Variants in CDH11 observed in about 807,000 individuals in gnomAD.
CDH11 encodes cadherin 11, also known as cadherin-11.
Under a neutral mutation model 67.8 loss-of-function variants are expected in CDH11, and 11 were observed. The ratio of observed to expected loss-of-function variants is 0.16; its 90% CI spans 0.10 to 0.27. The LOEUF (loss-of-function observed/expected upper bound fraction) is 0.27. Ranked by LOEUF, CDH11 falls within the 10% of genes least tolerant of loss-of-function variation. The pLI is 1.00. For synonymous variants in CDH11, 419 were observed against 400.0 expected, an observed-to-expected ratio of 1.05 and a Z score of -0.57; for missense variants, 847 against 1,031.2, an observed-to-expected ratio of 0.82 and a Z score of 2.45.
At chr16:65,056,264 G>A (rs2074140791) in intron 1 of CDH11, among the ~76,000 whole-genome samples, 1 of 152,164 alleles carries the variant, frequency 6.6e-6, no homozygotes, top group Non-Finnish European at 1.5e-5. Flanking sequence ...CTGTATGGCT[G>A]GAGAGAGAGG....
chr16:64,992,502 T>C (rs1275172120), intron 5 of CDH11, among the ~76,000 whole-genome samples: 2 of 152,274 alleles, frequency 1.3e-5, no homozygotes, highest in Non-Finnish European at 2.9e-5. Flanking sequence ...AACTGAATTC[T>C]GCATGATTGC....
At chr16:65,034,900 C>T (rs1201363520) in intron 2 of CDH11, among the ~76,000 whole-genome samples, 1 of 152,154 alleles carries the variant, frequency 6.6e-6, no homozygotes, top group Non-Finnish European at 1.5e-5. Flanking sequence ...CACTGGCTTT[C>T]ACAAATAGCC....
intron 2 of CDH11, among the ~76,000 whole-genome samples, chr16:65,038,982 T>C (rs1160299647): frequency 1.3e-5 from 2 of 152,172 alleles, no homozygotes; most frequent in Non-Finnish European, 2.9e-5. Context: ...CTCATATTCT[T>C]ACAACATCTT....
chr16:64,998,426 TTTTGTTC>T, intron 4 of CDH11, 129 bp downstream of exon 4: 2 of 802,992 alleles, frequency 2.5e-6, no homozygotes, highest in Non-Finnish European at 4.0e-6. Context: ...ACAAAAGAAT[TTTTGTTC>T]CTTTTGTTAT....
chr16:64,945,276 A>G lies in CDH11; in HGVS notation c.*2327T>C, dbSNP rs1408531609. 1 of 438,878 alleles carries G rather than the reference A, an allele frequency of 2.3e-6. No individual in the cohort carries two copies. The highest frequency in any genetic ancestry group is 3.2e-6 in the Non-Finnish European group (1 of 316,708). The allele number at this position is 438,878 out of a possible 1,614,324, so 27.2% of individuals were successfully genotyped here. A position where few individuals can be genotyped will look rare whatever the true frequency, so the allele number is the denominator to read the frequency against. On this transcript the variant is annotated 3_prime_UTR_variant, in exon 13 of 13. Coordinates refer to ENST00000268603, the MANE Select transcript of CDH11 (RefSeq NM_001797.4). ...TTTCTAAGAGTGTTCTACAAACAAT[A>G]GAGGCTTAACGAAAAAATAAAAGGT...
At chr16:64,962,193 TTAA>T (rs2071690892) in intron 11 of CDH11, among the ~76,000 whole-genome samples, 1 of 151,986 alleles carries the variant, frequency 6.6e-6, no homozygotes, top group African/African-American at 2.4e-5. Context: ...AGTAAATAAA[TTAA>T]AACAGTTATA....
At chr16:64,956,810 A>C (rs1007860778) in intron 11 of CDH11, among the ~76,000 whole-genome samples, 2 of 152,072 alleles carry the variant, frequency 1.3e-5, no homozygotes, top group African/African-American at 2.4e-5. Flanking sequence ...AATAATGATG[A>C]TCTCCATGGT....
rs1159375873 is a variant in CDH11 at position 65,121,545 on chromosome 16, C to T, written c.-298+335G>A. ...TCGGCGTGTCCGGAGGTCTGCTCTG[C>T]AGTCTCTTGCCCCAGCCAGGTACAA... On this transcript the variant is annotated intron_variant, in intron 1 of 12. Transcript: ENST00000268603. This position sits in a 1 kb window ranked among gnomAD's most constrained non-coding sequence, Gnocchi z 4.1. Among the ~76,000 whole-genome samples the T allele has an allele frequency of 6.6e-6, 1 of 152,180 alleles. No individual in the cohort carries two copies. Among genetic ancestry groups the T allele is most frequent in the Non-Finnish European group, 1.5e-5 (1 of 68,038 alleles).
chr16:65,113,686 C>T (rs1275399468), intron 1 of CDH11, among the ~76,000 whole-genome samples: 7 of 152,098 alleles, frequency 4.6e-5, no homozygotes, highest in African/African-American at 1.7e-4. Context: ...TGTATCTCAT[C>T]AGATTAGCTG....
intron 1 of CDH11, among the ~76,000 whole-genome samples, chr16:65,090,610 G>A (rs1048968542): frequency 6.6e-6 from 1 of 152,008 alleles, no homozygotes; most frequent in Non-Finnish European, 1.5e-5. Context: ...CTTCCCTCCC[G>A]CCAGCCATTC....
Position 64,950,888 on chromosome 16 carries a change from T to TTC in CDH11, c.1772_1773insGA (p.Val592LysfsTer7). 1 of 1,614,216 alleles carries TTC rather than the reference T, an allele frequency of 6.2e-7. No individual in the cohort carries two copies. Among genetic ancestry groups the TTC allele is most frequent in the Non-Finnish European group, 8.5e-7 (1 of 1,180,022 alleles). On this transcript the variant is annotated frameshift_variant, in exon 12 of 13. Coordinates refer to ENST00000268603, the MANE Select transcript of CDH11 (RefSeq NM_001797.4). LOFTEE classifies it high-confidence loss of function. ...CCCCGTTCACGTCGCACCCGCAGAC[T>TTC]TTGATGGTGAGGGTGTTGGTGCTAC... is the stretch of plus-strand genomic sequence containing the variant.
intron 2 of CDH11, among the ~76,000 whole-genome samples, chr16:65,014,137 G>A (rs1255513341): frequency 6.6e-6 from 1 of 152,096 alleles, no homozygotes; most frequent in Non-Finnish European, 1.5e-5. Flanking sequence ...GCCTCACGAA[G>A]GGGCTCTAGG....
intron 8 of CDH11, 119 bp from the exon 9 acceptor site, chr16:64,973,159 T>G (rs2072061302): frequency 4.0e-6 from 4 of 996,882 alleles, no homozygotes; most frequent in Non-Finnish European, 5.9e-6. Flanking sequence ...AGCTAGATTT[T>G]CTTTCTAATC....
Position 64,945,325 on chromosome 16 carries a change from A to T in CDH11, c.*2278T>A. Reference sequence around the variant, plus strand: ...GTAAAAAAAAAAAAAAAAAAGAAAAAGAAAAACAAGTATTCTTAACTACTG... The same window carrying T: ...GTAAAAAAAAAAAAAAAAAAGAAAATGAAAAACAAGTATTCTTAACTACTG... On this transcript the variant is annotated 3_prime_UTR_variant, in exon 13 of 13. Transcript: ENST00000268603. The T allele has an allele frequency of 5.0e-6, 4 of 803,098 alleles. No individual in the cohort carries two copies. Among genetic ancestry groups the T allele is most frequent in the Non-Finnish European group, 6.2e-6 (4 of 648,546 alleles). The allele number at this position is 803,098 out of a possible 1,614,324, so 49.7% of individuals were successfully genotyped here. A position where few individuals can be genotyped will look rare whatever the true frequency, so the allele number is the denominator to read the frequency against.
intron 12 of CDH11, among the ~76,000 whole-genome samples, chr16:64,949,204 C>T (rs1041337636): frequency 2.0e-5 from 3 of 152,054 alleles, no homozygotes; most frequent in African/African-American, 4.8e-5. Flanking sequence ...AGCCTGGCCC[C>T]GTTCTTATCC....
intron 2 of CDH11, among the ~76,000 whole-genome samples, chr16:65,041,948 C>T (rs527317869): frequency 2.0e-4 from 30 of 150,988 alleles, no homozygotes; most frequent in Non-Finnish European, 3.1e-4. Flanking sequence ...AGGAGGAACT[C>T]AGAGAGAGAG....
At chr16:64,984,250 G>T (rs1393811621) in intron 7 of CDH11, among the ~76,000 whole-genome samples, 1 of 152,200 alleles carries the variant, frequency 6.6e-6, no homozygotes, top group Non-Finnish European at 1.5e-5. Context: ...GTGGAATGGA[G>T]GGGAGCATCC....
chr16:65,026,684 C>G (rs1375968653), intron 2 of CDH11, among the ~76,000 whole-genome samples: 7 of 152,118 alleles, frequency 4.6e-5, no homozygotes. Context: ...CCAGGGGTTC[C>G]TTTCATACTT....
Position 64,973,014 on chromosome 16 carries a change from A to G in CDH11, c.1280T>C (p.Leu427Pro). The G allele has an allele frequency of 6.2e-7, 1 of 1,613,830 alleles. No individual in the cohort carries two copies. The highest frequency in any genetic ancestry group is 1.1e-5 in the South Asian group (1 of 91,078). Reference protein sequence around the residue: ...IRYSIDRHTDLDRFFTINPED... With the variant: ...IRYSIDRHTDPDRFFTINPED... The stretch of plus-strand genomic sequence containing the variant: ...TGGATTAATAGTGAAAAATCTGTCG[A>G]GGTCAGTGTGACGATCGATGGAATA... The change falls in exon 9 of 13, where the codon CTC becomes CCC. Residue 427 changes from leucine (L) to proline (P), a missense_variant. Coordinates refer to ENST00000268603, the MANE Select transcript of CDH11 (RefSeq NM_001797.4).
Sources: allele counts gnomAD v4.1 joint callset (sites outside exome capture counted in the v4.1 genomes callset), GRCh38; gene constraint gnomAD v4.1.1; non-coding constraint Gnocchi (gnomAD v3.1); transcripts MANE v1.5; gene names NCBI Gene and HGNC (gene_info 2026-07-23, HGNC 2026-07-21).